HMGXB3: variants seen among roughly 807,000 people sequenced by gnomAD.
HMGXB3 encodes the protein HMG domain-containing protein 3.
Under a neutral mutation model 121.5 loss-of-function variants are expected in HMGXB3, and 45 were observed. That is an observed-to-expected ratio of 0.37 (90% CI 0.29 to 0.47). The LOEUF (loss-of-function observed/expected upper bound fraction) is 0.47, where lower values mean the gene tolerates loss of function less well. Ranked by LOEUF, HMGXB3 falls within the 20% of genes least tolerant of loss-of-function variation. HMGXB3 has a pLI of 0.99. For missense variants in HMGXB3, 1,376 were observed against 1,602.2 expected, an observed-to-expected ratio of 0.86 and a Z score of 2.41; for synonymous variants, 590 against 624.1, an observed-to-expected ratio of 0.95 and a Z score of 0.81.
chr5:150,025,053 C>T (rs1756195061), intron 7 of HMGXB3, among the ~76,000 whole-genome samples: 1 of 152,180 alleles, frequency 6.6e-6, no homozygotes, highest in African/African-American at 2.4e-5. Context: ...TCAGAGAACT[C>T]AGTACTGGTT....
chr5:150,028,424 G>GTA (rs1183948316), intron 9 of HMGXB3, among the ~76,000 whole-genome samples: 73 of 127,838 alleles, frequency 5.7e-4, no homozygotes, highest in East Asian at 1.8e-3. Context: ...ATATATATAT[G>GTA]TATATATATA....
chr5:150,006,594 G>A lies in HMGXB3; in HGVS notation c.259G>A (p.Glu87Lys), dbSNP rs1437657329. 4 of 1,552,316 alleles carry A rather than the reference G, an allele frequency of 2.6e-6. No individual in the cohort carries two copies. Among genetic ancestry groups the A allele is most frequent in the East Asian group, 2.4e-5 (1 of 40,924 alleles). Reference sequence around the variant, plus strand: ...GAGTTGGAGGCTTCTCAGCGTGGCCGAGAGGAGTTACTACTTGGAGAAAGC... The same window carrying A: ...GAGTTGGAGGCTTCTCAGCGTGGCCAAGAGGAGTTACTACTTGGAGAAAGC... ...SESWRLLSVA[E>K]RSYYLEKAKL... Residue 87 changes from glutamate (E) to lysine (K), a missense_variant, in exon 3 of 20, where the codon GAG becomes AAG. This residue lies in a region of HMGXB3 where 1,116 missense variants were observed against 1,369.0 expected (regional missense o/e 0.82). Transcript: ENST00000502717.
chr5:150,022,059 T>TATG (rs36048869), intron 6 of HMGXB3: 53,268 of 273,808 alleles, frequency 0.19, 10,003 homozygotes, highest in African/African-American at 0.59. Flanking sequence ...AGCAAAACAT[T>TATG]ATATTTTTTT....
intron 6 of HMGXB3, among the ~76,000 whole-genome samples, chr5:150,021,029 G>T (rs899430088): frequency 6.6e-6 from 1 of 152,108 alleles, no homozygotes; most frequent in Non-Finnish European, 1.5e-5. Flanking sequence ...GAGCCATGGT[G>T]CCCAGCCTGA....
intron 9 of HMGXB3, 54 bp from the exon 10 acceptor site, chr5:150,030,687 C>T (rs1756351067): frequency 7.5e-7 from 1 of 1,326,494 alleles, no homozygotes; most frequent in Non-Finnish European, 1.1e-6. Context: ...GACATGGGAG[C>T]TCAGGAGTTT....
At chr5:150,011,593 G>GGTTT (rs1561852845) in intron 4 of HMGXB3, among the ~76,000 whole-genome samples, 1 of 134,122 alleles carries the variant, frequency 7.5e-6, no homozygotes, top group African/African-American at 3.7e-5. Flanking sequence ...GTTGTTGGTT[G>GGTTT]TTTTTTTTTG....
chr5:150,004,607 T>G (rs1325770374), intron 1 of HMGXB3, among the ~76,000 whole-genome samples: 1 of 152,244 alleles, frequency 6.6e-6, no homozygotes, highest in Non-Finnish European at 1.5e-5. Flanking sequence ...AGGAATCACC[T>G]GAGGCATTTG....
At chr5:150,033,800 A>G (rs1051333359) in intron 11 of HMGXB3, among the ~76,000 whole-genome samples, 7 of 152,084 alleles carry the variant, frequency 4.6e-5, no homozygotes, top group Non-Finnish European at 7.3e-5. Context: ...TTATTTGTAT[A>G]TGGAGAGAGG....
chr5:150,004,885 T>A lies in HMGXB3; in HGVS notation c.33T>A (p.Thr11=). MDASYDGTEV[T]VVMEEIEEAY... is the part of the protein sequence containing the mutation. ...CATCATATGATGGTACTGAGGTAAC[T>A]GTCGTGATGGAGGAAATTGAGGAAG... The change falls in exon 2 of 20, where the codon ACT becomes ACA. Residue 11 remains threonine, a synonymous_variant. Transcript: ENST00000502717. 1 of 1,551,684 alleles carries A rather than the reference T, an allele frequency of 6.4e-7. No individual in the cohort carries two copies. The highest frequency in any genetic ancestry group is 8.7e-7 in the Non-Finnish European group (1 of 1,146,938).
At position 150,036,740 on chromosome 5, in the gene HMGXB3, C is replaced by T; in HGVS notation, c.2088C>T (p.Val696=). The T allele has an allele frequency of 1.3e-6, 2 of 1,551,674 alleles. No individual in the cohort carries two copies. Among genetic ancestry groups the T allele is most frequent in the African/African-American group, 1.4e-5 (1 of 73,180 alleles). ...CCACACTGCAGCTGCTGCGCAAAGT[C>T]CTGCAGATTCCTGAGAATGAGTCAG... ...RQSTLQLLRK[V]LQIPENESEL... is the part of the protein sequence containing the mutation. Residue 696 remains valine (V), a synonymous_variant, in exon 12 of 20, where the codon GTC becomes GTT. Coordinates refer to ENST00000502717, the MANE Select transcript of HMGXB3 (RefSeq NM_014983.3).
chr5:150,005,030 A>G, intron 2 of HMGXB3, 41 bp downstream of exon 2: 2 of 1,525,828 alleles, frequency 1.3e-6, no homozygotes, highest in Non-Finnish European at 1.8e-6. Flanking sequence ...ATTTATAAAC[A>G]GAAGTTGCTT....
chr5:150,049,434 A>G (rs918376894), intron 18 of HMGXB3, among the ~76,000 whole-genome samples: 1 of 151,976 alleles, frequency 6.6e-6, no homozygotes, highest in Non-Finnish European at 1.5e-5. Context: ...CAGGTACTGA[A>G]TGGGAGAGAG....
chr5:150,020,309 T>C (rs1756059222), intron 6 of HMGXB3, among the ~76,000 whole-genome samples: 1 of 152,256 alleles, frequency 6.6e-6, no homozygotes, highest in Admixed American at 6.5e-5. Context: ...TGTGCCTCTC[T>C]GAAGCCATCA....
chr5:150,006,125 A>G (rs1311456336), intron 2 of HMGXB3, among the ~76,000 whole-genome samples: 1 of 152,172 alleles, frequency 6.6e-6, no homozygotes, highest in East Asian at 1.9e-4. Flanking sequence ...TAGCTTATAT[A>G]AGCATTTCTC....
chr5:150,020,021 A>G (rs1756050678), intron 6 of HMGXB3, among the ~76,000 whole-genome samples: 1 of 152,206 alleles, frequency 6.6e-6, no homozygotes, highest in African/African-American at 2.4e-5. Flanking sequence ...TGGTCAAGAC[A>G]TTCTATATCT....
intron 11 of HMGXB3, among the ~76,000 whole-genome samples, chr5:150,033,640 T>C (rs2113751571): frequency 6.6e-6 from 1 of 152,080 alleles, no homozygotes. Flanking sequence ...GTCTTGTCAG[T>C]TTGTTCTTTA....
intron 6 of HMGXB3, among the ~76,000 whole-genome samples, chr5:150,023,284 TATAGAATTAGGTC>T (rs1440173401): frequency 6.6e-6 from 1 of 152,154 alleles, no homozygotes; most frequent in Non-Finnish European, 1.5e-5. Context: ...TCCTACACAC[TATAGAATTAGGTC>T]ACCCAAAATG....
rs912635132 is a variant in HMGXB3, at chr5:150,051,827, A to G, written c.3514A>G (p.Ile1172Val). The change falls in exon 20 of 20, where the codon ATC becomes GTC. Residue 1172 changes from isoleucine to valine, a missense_variant. Around this residue, in one of 2 missense-constraint regions of HMGXB3, gnomAD observed 260 missense variants for 233.2 expected, o/e 1.11. Transcript: ENST00000502717. ...AGTCACCAAGACTGCCACGCGGCGC[A>G]TCGTCCATGCAGGCCTACAGCCCAA... The part of the protein sequence containing the change: ...HPVTKTATRR[I>V]VHAGLQPNPG... The G allele has an allele frequency of 1.9e-6, 3 of 1,549,794 alleles. No individual in the cohort carries two copies. Among genetic ancestry groups the G allele is most frequent in the East Asian group, 2.4e-5 (1 of 40,934 alleles).
rs185110543 is a variant in HMGXB3 at position 150,014,018 on chromosome 5, A to G, written c.909+1665A>G. On this transcript the variant is annotated intron_variant, in intron 5 of 19. Transcript: ENST00000502717. ...ATTCTAAGATTCTTAGAAATGGACA[A>G]ACCACTTGTTGCTTATTTTGATTGT... 1.4e-3 allele frequency among the ~76,000 whole-genome samples: 215 copies of G among 152,384 alleles called. 3 individuals carry two copies. The Middle Eastern group carries it at 0.041, about 29-fold the overall frequency.
Sources: allele counts gnomAD v4.1 joint callset (sites outside exome capture counted in the v4.1 genomes callset), GRCh38; gene constraint gnomAD v4.1.1; regional missense constraint gnomAD v4.1.1; transcripts MANE v1.5; gene names NCBI Gene and HGNC (gene_info 2026-07-23, HGNC 2026-07-21).